Variants in SEPTIN14 observed in about 807,000 individuals in gnomAD.
SEPTIN14 encodes the protein septin-14.
SEPTIN14 carries 40 observed loss-of-function variants against 53.6 expected under a neutral mutation model. That is an observed-to-expected ratio of 0.75 (90% CI 0.58 to 0.97). The LOEUF (loss-of-function observed/expected upper bound fraction) is 0.97, where lower values mean the gene tolerates loss of function less well. SEPTIN14 is among the 50% of genes least tolerant of loss of function. SEPTIN14 has a pLI of 0.00. For missense variants in SEPTIN14, 471 were observed against 508.2 expected, an observed-to-expected ratio of 0.93 and a Z score of 0.70; for synonymous variants, 138 against 166.8, an observed-to-expected ratio of 0.83 and a Z score of 1.33.
intron 7 of SEPTIN14, among the ~76,000 whole-genome samples, chr7:55,807,948 T>TA (rs1332134226): frequency 6.6e-6 from 1 of 151,982 alleles, no homozygotes; most frequent in Non-Finnish European, 1.5e-5. Context: ...GTCAGTTCAT[T>TA]AAAAAAATAA....
intron 7 of SEPTIN14, among the ~76,000 whole-genome samples, chr7:55,814,030 A>G (rs967038648): frequency 7.2e-5 from 11 of 152,272 alleles, no homozygotes; most frequent in Admixed American, 2.0e-4. Context: ...GCAACCTAGC[A>G]CAGACAGAGA....
At chr7:55,858,964 T>C (rs1789696335) in intron 2 of SEPTIN14, among the ~76,000 whole-genome samples, 1 of 152,108 alleles carries the variant, frequency 6.6e-6, no homozygotes, top group Admixed American at 6.6e-5. Context: ...TCAGTTTCTA[T>C]GGTTCTACAT....
intron 7 of SEPTIN14, among the ~76,000 whole-genome samples, chr7:55,817,526 G>A (rs1006856282): frequency 1.3e-5 from 2 of 150,682 alleles, no homozygotes; most frequent in Non-Finnish European, 3.0e-5. Flanking sequence ...CTGGAGTGCA[G>A]TGGCGTGATC....
At chr7:55,862,298 T>A (rs1789763235) in intron 1 of SEPTIN14, among the ~76,000 whole-genome samples, 1 of 152,158 alleles carries the variant, frequency 6.6e-6, no homozygotes, top group Admixed American at 6.6e-5. Flanking sequence ...GATAAGAGCA[T>A]TCTTCTTCTT....
intron 2 of SEPTIN14, among the ~76,000 whole-genome samples, chr7:55,849,387 T>C (rs1460513405): frequency 1.3e-5 from 2 of 151,770 alleles, no homozygotes; most frequent in South Asian, 2.1e-4. Context: ...AAAAATTAAA[T>C]AAGCAAAAAT....
intron 5 of SEPTIN14, among the ~76,000 whole-genome samples, chr7:55,841,853 CAA>C (rs58433679): frequency 2.9e-4 from 21 of 73,492 alleles, no homozygotes; most frequent in African/African-American, 2.8e-4. Flanking sequence ...GAAACTCCGC[CAA>C]AAAAAAAAAA....
At chr7:55,852,795 A>C (rs1315815130) in intron 2 of SEPTIN14, among the ~76,000 whole-genome samples, 1 of 152,232 alleles carries the variant, frequency 6.6e-6, no homozygotes, top group African/African-American at 2.4e-5. Flanking sequence ...TCCCCCGATA[A>C]GGGATTAATA....
At chr7:55,845,499 T>G (rs1415300836) in intron 3 of SEPTIN14, among the ~76,000 whole-genome samples, 1 of 152,144 alleles carries the variant, frequency 6.6e-6, no homozygotes, top group African/African-American at 2.4e-5. Context: ...GCAGAGTGAC[T>G]ATAGTCAATG....
At chr7:55,796,595 G>A (rs535200853) in intron 9 of SEPTIN14, among the ~76,000 whole-genome samples, 5 of 152,076 alleles carry the variant, frequency 3.3e-5, no homozygotes, top group Non-Finnish European at 7.4e-5. Context: ...CTGAGCTCAA[G>A]TGATCCTCCC....
At chr7:55,858,864 C>T (rs1392543815) in intron 2 of SEPTIN14, among the ~76,000 whole-genome samples, 1 of 152,064 alleles carries the variant, frequency 6.6e-6, no homozygotes, top group African/African-American at 2.4e-5. Context: ...AAATCTCAAG[C>T]CCAGCTTTAC....
In SEPTIN14 at chr7:55,798,444, C is replaced by T. The variant is rs552202604; in HGVS notation, c.1120-2352G>A. On this transcript the variant is annotated intron_variant, in intron 9 of 9. Coordinates refer to ENST00000388975, the MANE Select transcript of SEPTIN14 (RefSeq NM_207366.3). ...GGGGAGCCCCTGCTGGACAGTGAGA[C>T]AGAGAATGACCACAATGATGCTTTC... is the stretch of plus-strand genomic sequence containing the variant. The T allele has an allele frequency of 1.1e-5, 3 of 264,238 alleles. No individual in the cohort carries two copies. The South Asian group carries it at 1.3e-4, about 11-fold the overall frequency. 16.4% of individuals were successfully genotyped at this position (264,238 alleles called of 1,614,324 possible).
At chr7:55,806,469 CT>C (rs111518957) in intron 8 of SEPTIN14, among the ~76,000 whole-genome samples, 47 of 142,696 alleles carry the variant, frequency 3.3e-4, no homozygotes, top group Middle Eastern at 3.6e-3. Flanking sequence ...CTTTTTTTTT[CT>C]TTTTTTTTTT....
At chr7:55,798,581 C>T (rs71547962) in intron 9 of SEPTIN14, 4,032 of 379,496 alleles carry the variant, frequency 0.011, 46 homozygotes, top group Non-Finnish European at 0.016. Context: ...GAAGGATGGA[C>T]GCAGCCCCAA....
Position 55,859,124 on chromosome 7 carries a change from C to G in SEPTIN14, c.54+2819G>C, listed in dbSNP as rs1789698842. Among the ~76,000 whole-genome samples the G allele has an allele frequency of 2.0e-5, 3 of 150,464 alleles. No individual in the cohort carries two copies. In the South Asian group the frequency reaches 6.3e-4, roughly 32 times the overall value. On this transcript the variant is annotated intron_variant, in intron 2 of 9. Transcript: ENST00000388975. ...AGAGATAGCGCCATTGCACTCCAGC[C>G]TGGTTAACAAGAGCGAAACTCCATC... is the stretch of plus-strand genomic sequence containing the variant.
rs527453963 is a variant in SEPTIN14, at chr7:55,841,938, G to A, written c.558+1004C>T. Among the ~76,000 whole-genome samples the A allele has an allele frequency of 9.2e-5, 14 of 152,160 alleles. No individual in the cohort carries two copies. The East Asian group carries it at 2.7e-3, about 29-fold the overall frequency. On this transcript the variant is annotated intron_variant, in intron 5 of 9. Transcript: ENST00000388975. ...TAGTCCCAGCTACTTGGGAGGCTGA[G>A]GCCAGAGAATCACTTGAACCCAGGA...
intron 4 of SEPTIN14, among the ~76,000 whole-genome samples, chr7:55,843,571 C>T (rs766970586): frequency 6.6e-5 from 10 of 152,166 alleles, no homozygotes; most frequent in African/African-American, 1.7e-4. Flanking sequence ...CGGTGGCTCA[C>T]GCCTGTAATC....
Position 55,846,534 on chromosome 7 carries a change from A to G in SEPTIN14, c.158T>C (p.Phe53Ser). 6.3e-7 allele frequency: 1 copy of G among 1,595,000 alleles called. No individual in the cohort carries two copies. Among genetic ancestry groups the G allele is most frequent in the South Asian group, 1.1e-5 (1 of 87,246 alleles). The change falls in exon 3 of 10, where the codon TTT (phenylalanine) becomes TCT (serine). Residue 53 changes from phenylalanine to serine, a missense_variant. By Grantham distance (155) the Phe-to-Ser change is radical. Coordinates refer to ENST00000388975, the MANE Select transcript of SEPTIN14 (RefSeq NM_207366.3). ...VSRSIRQGFT[F>S]NILCVGETGI... ...ACACTTACCCACACAGAGAATATTA[A>G]AAGTGAATCCTTGTCGGATAGATCT...
intron 6 of SEPTIN14, among the ~76,000 whole-genome samples, chr7:55,833,089 C>A (rs1371073175): frequency 6.6e-6 from 1 of 151,804 alleles, no homozygotes; most frequent in East Asian, 1.9e-4. Flanking sequence ...CCGAGGCAGG[C>A]AGATTGCCCA....
At chr7:55,832,244 CAA>C (rs1389297297) in intron 6 of SEPTIN14, among the ~76,000 whole-genome samples, 1 of 118,722 alleles carries the variant, frequency 8.4e-6, no homozygotes, top group African/African-American at 3.2e-5. Flanking sequence ...CACACACACA[CAA>C]AATAAGATAT....
Sources: gnomAD v4.1 joint callset for allele counts (sites outside exome capture counted in the v4.1 genomes callset) on GRCh38, gnomAD v4.1.1 for gene constraint, MANE v1.5 for transcripts, NCBI Gene and HGNC (gene_info 2026-07-23, HGNC 2026-07-21) for gene names.